The following HYCC2 variants were observed in gnomAD, a reference collection of about 807,000 sequenced individuals.
HYCC2 encodes the protein hyccin 2.
the HYCC2 span, among the ~76,000 whole-genome samples, chr2:201,067,562 T>G: frequency 4.6e-5 from 7 of 152,208 alleles, no homozygotes; most frequent in Admixed American, 2.0e-4. Context: ...TTTCTCAGAT[T>G]TGTCTCCATG....
the HYCC2 span, among the ~76,000 whole-genome samples, chr2:201,051,917 G>C: frequency 6.6e-6 from 1 of 152,188 alleles, no homozygotes; most frequent in Non-Finnish European, 1.5e-5. Flanking sequence ...TACTAAGGAA[G>C]GAGAAAAGTG....
At chr2:201,048,969 CA>C in the HYCC2 span, among the ~76,000 whole-genome samples, 4 of 151,130 alleles carry the variant, frequency 2.6e-5, no homozygotes, top group Non-Finnish European at 4.4e-5. Flanking sequence ...AACAAACAAA[CA>C]AAAAAACAAC....
At chr2:201,065,044 G>A in the HYCC2 span, among the ~76,000 whole-genome samples, 2 of 152,120 alleles carry the variant, frequency 1.3e-5, no homozygotes, top group African/African-American at 4.8e-5. Flanking sequence ...TATCACATAG[G>A]TAGACTCATG....
the HYCC2 span, among the ~76,000 whole-genome samples, chr2:201,062,558 G>A: frequency 6.6e-6 from 1 of 151,952 alleles, no homozygotes; most frequent in African/African-American, 2.4e-5. Context: ...GGCTGAGGCA[G>A]GAGTATGGCA....
the HYCC2 span, among the ~76,000 whole-genome samples, chr2:201,033,161 G>GTGTGTGTGTGTA: frequency 1.2e-5 from 1 of 80,706 alleles, no homozygotes; most frequent in South Asian, 3.8e-4. Flanking sequence ...GTGTGTGTAT[G>GTGTGTGTGTGTA]TGTGTGTGTG....
chr2:201,050,691 T>C, the HYCC2 span, among the ~76,000 whole-genome samples: 2 of 152,100 alleles, frequency 1.3e-5, no homozygotes, highest in Middle Eastern at 3.2e-3. Flanking sequence ...CCCAGTACTT[T>C]GGGAGGCTGA....
the HYCC2 span, among the ~76,000 whole-genome samples, chr2:201,004,212 T>C: frequency 6.6e-6 from 1 of 152,134 alleles, no homozygotes; most frequent in Non-Finnish European, 1.5e-5. Context: ...AAGGGGTGCC[T>C]GTATGGAAAA....
At chr2:201,007,334 C>T in the HYCC2 span, among the ~76,000 whole-genome samples, 1 of 152,174 alleles carries the variant, frequency 6.6e-6, no homozygotes, top group African/African-American at 2.4e-5. Context: ...GTGCTCAGAA[C>T]ACTTACATTA....
At chr2:201,017,027 A>C in the HYCC2 span, 1 of 1,613,918 alleles carries the variant, frequency 6.2e-7, no homozygotes, top group Non-Finnish European at 8.5e-7. Context: ...CTTCAATGCA[A>C]CCATTACTCT....
chr2:201,045,170 G>A, the HYCC2 span, among the ~76,000 whole-genome samples: 5 of 152,150 alleles, frequency 3.3e-5, no homozygotes, highest in African/African-American at 9.7e-5. Context: ...TCCTATATTG[G>A]ACGGCACAGA....
chr2:200,981,360 G>A, the HYCC2 span: 23,721 of 1,614,068 alleles, frequency 0.015, 220 homozygotes, highest in Non-Finnish European at 0.016. The surrounding 1 kb of genome is among the most constrained non-coding windows in gnomAD (Gnocchi z 4.5). Flanking sequence ...CTTTACCTTC[G>A]CCAGCTTGAC....
At chr2:200,984,516 T>C in the HYCC2 span, among the ~76,000 whole-genome samples, 16 of 152,244 alleles carry the variant, frequency 1.1e-4, no homozygotes, top group Non-Finnish European at 1.9e-4. Context: ...CAATAATCTA[T>C]GTTAATCCAA....
the HYCC2 span, among the ~76,000 whole-genome samples, chr2:201,041,661 T>C: frequency 2.0e-5 from 3 of 152,214 alleles, no homozygotes; most frequent in Non-Finnish European, 2.9e-5. Flanking sequence ...TTACTAATTG[T>C]CCATCTCCCC....
chr2:201,066,980 AC>A, the HYCC2 span: 1 of 289,872 alleles, frequency 3.4e-6, no homozygotes, highest in South Asian at 3.5e-5. Flanking sequence ...ACCAGAGTTC[AC>A]CATGAAGAAG....
chr2:201,065,368 T>C, the HYCC2 span, among the ~76,000 whole-genome samples: 1 of 152,196 alleles, frequency 6.6e-6, no homozygotes, highest in Non-Finnish European at 1.5e-5. Flanking sequence ...AGGTTTCCAG[T>C]TTTTGGCTAT....
At chr2:201,029,538 A>G in the HYCC2 span, among the ~76,000 whole-genome samples, 434 of 152,346 alleles carry the variant, frequency 2.8e-3, 2 homozygotes, top group African/African-American at 0.01. Context: ...CCAAATGTCC[A>G]TCAATGATAG....
the HYCC2 span, among the ~76,000 whole-genome samples, chr2:200,987,861 A>G: frequency 6.6e-6 from 1 of 152,238 alleles, no homozygotes. Flanking sequence ...ATAAAAATCC[A>G]AAATCAAGAA....
At chr2:200,992,166 A>G in the HYCC2 span, 4 of 693,326 alleles carry the variant, frequency 5.8e-6, no homozygotes, top group Non-Finnish European at 1.0e-5. Context: ...CAGTTAACCA[A>G]CTGTTATCAT....
chr2:201,015,567 A>G, the HYCC2 span, among the ~76,000 whole-genome samples: 1 of 152,216 alleles, frequency 6.6e-6, no homozygotes, highest in African/African-American at 2.4e-5. Context: ...AGTGGTGATT[A>G]AATTCAATTT....
Sources: gnomAD v4.1 joint callset for allele counts (sites outside exome capture counted in the v4.1 genomes callset) on GRCh38, gnomAD v4.1.1 for gene constraint, Gnocchi (gnomAD v3.1) non-coding constraint, MANE v1.5 for transcripts, NCBI Gene and HGNC (gene_info 2026-07-23, HGNC 2026-07-21) for gene names.